SLC8A2: variants seen among roughly 807,000 people sequenced by gnomAD.
SLC8A2 encodes sodium/calcium exchanger 2.
Under a neutral mutation model 70.2 loss-of-function variants are expected in SLC8A2, and 14 were observed. The ratio of observed to expected loss-of-function variants is 0.20; its 90% CI spans 0.13 to 0.31. The LOEUF (loss-of-function observed/expected upper bound fraction) is 0.31, where lower values mean the gene tolerates loss of function less well. SLC8A2 is among the 10% of genes least tolerant of loss of function. The pLI is 1.00. For missense variants in SLC8A2, 779 were observed against 1,320.1 expected, an observed-to-expected ratio of 0.59 and a Z score of 6.35; for synonymous variants, 575 against 594.3, an observed-to-expected ratio of 0.97 and a Z score of 0.47.
At chr19:47,454,787 T>G (rs1967283622) in intron 3 of SLC8A2, among the ~76,000 whole-genome samples, 1 of 152,062 alleles carries the variant, frequency 6.6e-6, no homozygotes, top group African/African-American at 2.4e-5. Flanking sequence ...GAACTCAAGA[T>G]CGATGAAACA....
chr19:47,444,248 G>T (rs1339482452), intron 4 of SLC8A2, among the ~76,000 whole-genome samples: 1 of 151,934 alleles, frequency 6.6e-6, no homozygotes, highest in Non-Finnish European at 1.5e-5. Flanking sequence ...AGAGTCTAAA[G>T]AATGGAGTAA....
rs1967401714 is a variant in SLC8A2, at chr19:47,462,065, T to TC, written c.675+3663dup. Among the ~76,000 whole-genome samples, 3 of 152,066 alleles carry TC rather than the reference T, an allele frequency of 2.0e-5. No homozygotes were observed. In the South Asian group the frequency reaches 6.2e-4, roughly 32 times the overall value. ...GACAGTCCCACACAATACAGAAATG[T>TC]CCCACATGCCGGCTCATTTCAGAAC... On this transcript the variant is annotated intron_variant, in intron 2 of 9. Coordinates refer to ENST00000236877, the MANE Select transcript of SLC8A2 (RefSeq NM_015063.3).
chr19:47,463,659 G>C, intron 2 of SLC8A2, among the ~76,000 whole-genome samples: 1 of 143,622 alleles, frequency 7.0e-6, no homozygotes, highest in Admixed American at 6.9e-5. Flanking sequence ...GCCTCAGAGC[G>C]ACAGAGAAAG....
intron 3 of SLC8A2, among the ~76,000 whole-genome samples, chr19:47,453,541 G>C (rs1967269275): frequency 6.6e-6 from 1 of 152,184 alleles, no homozygotes; most frequent in South Asian, 2.1e-4. Context: ...GGAAGGATAG[G>C]AAGATGTTGA....
intron 2 of SLC8A2, among the ~76,000 whole-genome samples, chr19:47,461,750 C>G (rs753822865): frequency 1.6e-4 from 25 of 152,208 alleles, no homozygotes; most frequent in Non-Finnish European, 3.5e-4. Flanking sequence ...ATGTATATTG[C>G]AAGGAAGTCT....
chr19:47,459,539 C>T (rs975539886), intron 2 of SLC8A2, among the ~76,000 whole-genome samples: 5 of 151,580 alleles, frequency 3.3e-5, no homozygotes, highest in East Asian at 2.0e-4. Context: ...CGCGTGTGTG[C>T]GCATGTGTGA....
chr19:47,458,947 CCTCTGT>C (rs1188110764), intron 2 of SLC8A2, among the ~76,000 whole-genome samples: 1 of 147,014 alleles, frequency 6.8e-6, no homozygotes, highest in African/African-American at 2.5e-5. Context: ...CTGTTCGCCC[CCTCTGT>C]CTCTGTCTCT....
chr19:47,458,328 A>C (rs1445170304), intron 2 of SLC8A2, among the ~76,000 whole-genome samples: 2 of 121,438 alleles, frequency 1.6e-5, no homozygotes, highest in Non-Finnish European at 1.6e-5. Context: ...ATCTCTGTTC[A>C]TCTCTGCCTC....
At chr19:47,452,025 C>T (rs116686508) in intron 3 of SLC8A2, among the ~76,000 whole-genome samples, 1,665 of 152,174 alleles carry the variant, frequency 0.011, 43 homozygotes, top group East Asian at 0.11. Flanking sequence ...AATGGAAACA[C>T]GGGCTGTGCA....
intron 2 of SLC8A2, among the ~76,000 whole-genome samples, chr19:47,463,878 C>T (rs546768108): frequency 6.6e-6 from 1 of 152,194 alleles, no homozygotes; most frequent in East Asian, 1.9e-4. Context: ...ATGAAGTCAG[C>T]ACTCTCATGA....
intron 1 of SLC8A2, among the ~76,000 whole-genome samples, chr19:47,470,348 TACAC>T (rs71180846): frequency 0.11 from 14,992 of 139,284 alleles, 1,223 homozygotes; most frequent in East Asian, 0.43. Flanking sequence ...GGAGACATCA[TACAC>T]ACACACACAC....
At chr19:47,456,658 CTA>C (rs924691210) in intron 3 of SLC8A2, among the ~76,000 whole-genome samples, 1 of 152,214 alleles carries the variant, frequency 6.6e-6, no homozygotes, top group Non-Finnish European at 1.5e-5. Flanking sequence ...TAGTGAGACT[CTA>C]TCTCAAACAA....
Position 47,448,115 on chromosome 19 carries a change from C to T in SLC8A2, c.1457G>A (p.Arg486His), listed in dbSNP as rs1175031832. 7 of 1,611,378 alleles carry T rather than the reference C, an allele frequency of 4.3e-6. No individual in the cohort carries two copies. Among genetic ancestry groups the T allele is most frequent in the Non-Finnish European group, 5.1e-6 (6 of 1,179,210 alleles). The change falls in exon 4 of 10, where the codon CGC becomes CAC. Residue 486 changes from arginine (R) to histidine (H), a missense_variant. This residue lies in a region of SLC8A2 where 247 missense variants were observed against 362.8 expected (regional missense o/e 0.68). Transcript: ENST00000236877. The surrounding 1 kb of genome is among the most constrained non-coding windows in gnomAD (Gnocchi z 4.8). Reference protein sequence around the residue: ...EHFFVRLLNLRVGDAQGMFEP... With the variant: ...EHFFVRLLNLHVGDAQGMFEP... ...GAACATGCCCTGCGCGTCGCCCACG[C>T]GCAGGTTCAGCAGCCGCACGAAGAA...
rs139096896 is a variant in SLC8A2, at chr19:47,463,047, T to C, written c.675+2682A>G. Among the ~76,000 whole-genome samples, 215 of 152,320 alleles carry C rather than the reference T, an allele frequency of 1.4e-3. 2 individuals carry two copies. The highest frequency in any genetic ancestry group is 2.2e-3 in the Admixed American group (33 of 15,298). On this transcript the variant is annotated intron_variant, in intron 2 of 9. Coordinates refer to ENST00000236877, the MANE Select transcript of SLC8A2 (RefSeq NM_015063.3). ...TGAAGCCCAGCTTATTCATTATAAA[T>C]AGATGCCTGCATCTGGCTCCCTTGT...
At chr19:47,463,679 C>CAAAAA (rs200422472) in intron 2 of SLC8A2, among the ~76,000 whole-genome samples, 2 of 120,120 alleles carry the variant, frequency 1.7e-5, no homozygotes, top group African/African-American at 5.8e-5. Flanking sequence ...GACTCTGTCT[C>CAAAAA]AAAAAAAAAA....
chr19:47,465,692 A>G lies in SLC8A2; in HGVS notation c.675+37T>C. On this transcript the variant is annotated intron_variant, in intron 2 of 9. Coordinates refer to ENST00000236877, the MANE Select transcript of SLC8A2 (RefSeq NM_015063.3). This position sits in a 1 kb window ranked among gnomAD's most constrained non-coding sequence, Gnocchi z 5.5. ...GCACCTCTCTGGATTTTGCAGACAC[A>G]CATGCACCAAGAAAGCATCTATGCG... The G allele has an allele frequency of 1.3e-6, 2 of 1,539,432 alleles. No individual in the cohort carries two copies. Among genetic ancestry groups the G allele is most frequent in the Non-Finnish European group, 8.8e-7 (1 of 1,131,686 alleles).
chr19:47,469,875 G>A (rs1967511473), intron 1 of SLC8A2, among the ~76,000 whole-genome samples: 1 of 152,210 alleles, frequency 6.6e-6, no homozygotes, highest in South Asian at 2.1e-4. Flanking sequence ...GCGGCCAGCT[G>A]GGTCGGCAGT....
chr19:47,458,277 TTC>T (rs370229609), intron 2 of SLC8A2, among the ~76,000 whole-genome samples: 24 of 108,804 alleles, frequency 2.2e-4, no homozygotes, highest in African/African-American at 7.9e-4. Context: ...TTCCCCCCAT[TTC>T]TCTCTCTCCC....
intron 3 of SLC8A2, among the ~76,000 whole-genome samples, chr19:47,449,207 A>G (rs1967206409): frequency 6.6e-6 from 1 of 152,040 alleles, no homozygotes; most frequent in Non-Finnish European, 1.5e-5. Flanking sequence ...GAGTGAGGAG[A>G]GGGAGCTGTT....
Sources: allele counts gnomAD v4.1 joint callset (sites outside exome capture counted in the v4.1 genomes callset), GRCh38; gene constraint gnomAD v4.1.1; regional missense constraint gnomAD v4.1.1; non-coding constraint Gnocchi (gnomAD v3.1); transcripts MANE v1.5; gene names NCBI Gene and HGNC (gene_info 2026-07-23, HGNC 2026-07-21).